The following CLEC12A variants were observed in gnomAD, a reference collection of about 807,000 sequenced individuals.
The protein encoded by CLEC12A is C-type lectin domain family 12 member A.
CLEC12A carries 22 observed loss-of-function variants against 26.5 expected under a neutral mutation model. The ratio of observed to expected loss-of-function variants is 0.83; its 90% CI spans 0.59 to 1.19. The LOEUF is 1.19. CLEC12A is among the 50% of genes most tolerant of loss of function. The pLI, the probability that CLEC12A is intolerant of heterozygous loss-of-function variation, is 0.00. For missense variants in CLEC12A, 353 were observed against 315.6 expected, an observed-to-expected ratio of 1.12 and a Z score of -0.90; for synonymous variants, 119 against 101.9, an observed-to-expected ratio of 1.17 and a Z score of -1.01.
intron 1 of CLEC12A, among the ~76,000 whole-genome samples, chr12:9,959,145 G>C (rs190638873): frequency 2.0e-5 from 3 of 152,182 alleles, no homozygotes; most frequent in East Asian, 1.9e-4. Context: ...TTTGGTCCAG[G>C]AACAATGATA....
At chr12:9,995,372 G>T in exon 5 of CLEC12A, 1 of 786,126 alleles carries the variant, frequency 1.3e-6, no homozygotes, top group Non-Finnish European at 2.2e-6. Context: ...AGTATTAATG[G>T]ATTACATTTG....
intron 1 of CLEC12A, among the ~76,000 whole-genome samples, chr12:9,958,044 C>T (rs1863771218): frequency 6.6e-6 from 1 of 152,180 alleles, no homozygotes; most frequent in African/African-American, 2.4e-5. Flanking sequence ...CCAGAAAGTA[C>T]CTCTGAGATC....
At chr12:9,975,194 G>A (rs1371759486) in intron 1 of CLEC12A, among the ~76,000 whole-genome samples, 1 of 152,174 alleles carries the variant, frequency 6.6e-6, no homozygotes, top group East Asian at 1.9e-4. Context: ...GGTACCAATA[G>A]AGTAGGGCGC....
At chr12:9,960,852 A>T (rs915896808) in intron 1 of CLEC12A, among the ~76,000 whole-genome samples, 1 of 152,142 alleles carries the variant, frequency 6.6e-6, no homozygotes, top group African/African-American at 2.4e-5. Flanking sequence ...GAGACTGCAG[A>T]TCCTTCACCC....
intron 1 of CLEC12A, among the ~76,000 whole-genome samples, chr12:9,963,355 T>G (rs1289388947): frequency 6.6e-6 from 1 of 150,718 alleles, no homozygotes; most frequent in Non-Finnish European, 1.5e-5. Flanking sequence ...TTTTCAGCAG[T>G]GACTAAGTCA....
intron 4 of CLEC12A, chr12:9,992,199 TG>T (rs1420121227): frequency 4.6e-5 from 7 of 152,146 alleles, no homozygotes; most frequent in African/African-American, 1.7e-4. Flanking sequence ...AGCACAGAAC[TG>T]TTAGGAAAAT....
upstream of CLEC12A, chr12:9,971,278 C>T (rs546575719): frequency 1.2e-3 from 437 of 371,264 alleles, 1 homozygote; most frequent in Non-Finnish European, 1.5e-3. Flanking sequence ...GTTATCCAAA[C>T]ACAATTTCAA....
At chr12:10,001,929 G>A in the CLEC12A span, among the ~76,000 whole-genome samples, 1 of 147,978 alleles carries the variant, frequency 6.8e-6, no homozygotes, top group Admixed American at 6.8e-5. Flanking sequence ...GTCCAGGCTG[G>A]AGTGCAGTGG....
chr12:9,951,441 G>T (rs748338810), intron 1 of CLEC12A: 92 of 701,290 alleles, frequency 1.3e-4, no homozygotes, highest in Non-Finnish European at 2.2e-4. Flanking sequence ...GGCAAGTTCA[G>T]CAAGGCCAAC....
rs1326004018 is a variant in CLEC12A at position 9,971,525 on chromosome 12, C to T, written c.-72C>T. 4 of 1,536,954 alleles carry T rather than the reference C, an allele frequency of 2.6e-6. No homozygotes were observed. Among genetic ancestry groups the T allele is most frequent in the African/African-American group, 2.8e-5 (2 of 71,560 alleles). ...GTTTAAAATTATAGGTCCTGTTTAA[C>T]ATTCAGCTCTGTTAACTCACTCATC... On this transcript the variant is annotated 5_prime_UTR_variant, in exon 1 of 6. Transcript: ENST00000304361.
intron 4 of CLEC12A, among the ~76,000 whole-genome samples, chr12:9,993,949 T>G (rs570891823): frequency 3.3e-5 from 5 of 152,110 alleles, no homozygotes; most frequent in Non-Finnish European, 7.4e-5. Context: ...AAAGCTAATG[T>G]CTTTCTTGTT....
intron 4 of CLEC12A, chr12:9,991,357 T>C (rs1203326416): frequency 2.0e-5 from 3 of 152,202 alleles, no homozygotes; most frequent in Non-Finnish European, 4.4e-5. Flanking sequence ...TTTAATTGTA[T>C]TGTTGCCATG....
rs76115705 is a variant in CLEC12A at position 9,993,415 on chromosome 12, A to C, written n.1005-1603A>C. On this transcript the variant is annotated intron_variant and non_coding_transcript_variant, in intron 4 of 4. Transcript: ENST00000449959. ...AAATAGGAAAAAAAAACAAAAAAAA[A>C]AACGATTCTCATTGTTGAGAAAGTT... 73 of 681,824 alleles carry C rather than the reference A, an allele frequency of 1.1e-4. 3 individuals carry two copies. The highest frequency in any genetic ancestry group is 1.3e-4 in the Non-Finnish European group (53 of 408,122). 42.2% of individuals were successfully genotyped at this position (681,824 alleles called of 1,614,324 possible). A position where few individuals can be genotyped will look rare whatever the true frequency, so the allele number is the denominator to read the frequency against.
intron 1 of CLEC12A, among the ~76,000 whole-genome samples, chr12:9,957,630 G>A (rs987136507): frequency 1.3e-5 from 2 of 152,102 alleles, no homozygotes; most frequent in East Asian, 3.8e-4. Flanking sequence ...AGTCACTTAT[G>A]CCTCAGTCTA....
chr12:9,990,362 A>G (rs1473769055), downstream of CLEC12A, among the ~76,000 whole-genome samples: 1 of 152,218 alleles, frequency 6.6e-6, no homozygotes, highest in Non-Finnish European at 1.5e-5. Context: ...ACAAAGTGTC[A>G]ACATTAACAG....
intron 1 of CLEC12A, among the ~76,000 whole-genome samples, chr12:9,974,080 G>A (rs916482649): frequency 1.3e-5 from 2 of 152,022 alleles, no homozygotes; most frequent in Non-Finnish European, 2.9e-5. Context: ...CTGCCCCCTT[G>A]GTGCCATAGA....
chr12:9,991,393 TA>T (rs1284155818), intron 4 of CLEC12A: 3 of 152,228 alleles, frequency 2.0e-5, no homozygotes, highest in African/African-American at 7.2e-5. Context: ...CTTCTAAGTT[TA>T]TGTGTGCTAT....
chr12:9,993,454 CA>C (rs1376416574), intron 4 of CLEC12A: 40 of 641,754 alleles, frequency 6.2e-5, no homozygotes, highest in Non-Finnish European at 9.0e-5. Flanking sequence ...CCCTGCTTGG[CA>C]GTACAAGATA....
At chr12:9,978,570 C>A (rs946281742) in intron 1 of CLEC12A, among the ~76,000 whole-genome samples, 29 of 152,248 alleles carry the variant, frequency 1.9e-4, no homozygotes, top group Middle Eastern at 3.4e-3. Context: ...TCTACTCAAG[C>A]AAAGACTTCT....
Sources: allele counts gnomAD v4.1 joint callset (sites outside exome capture counted in the v4.1 genomes callset), GRCh38; gene constraint gnomAD v4.1.1; transcripts MANE v1.5; gene names NCBI Gene and HGNC (gene_info 2026-07-23, HGNC 2026-07-21).